Variants in MCC observed in about 807,000 individuals in gnomAD.
MCC encodes the protein MCC regulator of Wnt signaling pathway, also known as colorectal mutant cancer protein.
In MCC, 90 loss-of-function variants were observed where a neutral mutation model predicts 116.2. The observed-to-expected ratio is 0.77, with a 90% CI of 0.65 to 0.92. The LOEUF is 0.92. MCC is among the 40% of genes least tolerant of loss of function. The pLI, the probability that MCC is intolerant of heterozygous loss-of-function variation, is 0.00. For synonymous variants in MCC, 578 were observed against 510.5 expected (o/e 1.13, Z -1.78); for missense variants, 1,516 against 1,312.2 (o/e 1.16, Z -2.40).
chr5:113,049,600 T>C (rs767188464), intron 15 of MCC, among the ~76,000 whole-genome samples: 10 of 152,202 alleles, frequency 6.6e-5, no homozygotes, highest in African/African-American at 1.9e-4. Flanking sequence ...TTCTAACAAA[T>C]AGAGCCCCCA....
chr5:113,182,677 A>G (rs189646511), intron 3 of MCC, among the ~76,000 whole-genome samples: 16 of 152,318 alleles, frequency 1.1e-4, no homozygotes, highest in Admixed American at 9.8e-4. Context: ...ACTTCCTTTC[A>G]CATACAACAT....
chr5:113,432,252 G>C (rs1770676548), intron 1 of MCC, among the ~76,000 whole-genome samples: 1 of 150,308 alleles, frequency 6.7e-6, no homozygotes, highest in Non-Finnish European at 1.5e-5. Flanking sequence ...AGAACCGGGA[G>C]GCAGAGGTTG....
At chr5:113,321,344 A>G (rs1767418066) in intron 3 of MCC, among the ~76,000 whole-genome samples, 1 of 152,126 alleles carries the variant, frequency 6.6e-6, no homozygotes, top group Admixed American at 6.5e-5. Context: ...AATACATCTG[A>G]CCCCAATTTT....
At chr5:113,417,856 C>T (rs554006039) in intron 1 of MCC, among the ~76,000 whole-genome samples, 1 of 151,942 alleles carries the variant, frequency 6.6e-6, no homozygotes, top group East Asian at 1.9e-4. Flanking sequence ...TCACTTGAGT[C>T]CGGGAGATCA....
At chr5:113,131,080 GATGC>G (rs1758399207) in intron 5 of MCC, among the ~76,000 whole-genome samples, 1 of 152,210 alleles carries the variant, frequency 6.6e-6, no homozygotes, top group Non-Finnish European at 1.5e-5. Context: ...GTTGGAGTCA[GATGC>G]CACACAGCAG....
chr5:113,382,562 G>A (rs752299493), intron 2 of MCC, among the ~76,000 whole-genome samples: 2 of 152,052 alleles, frequency 1.3e-5, no homozygotes, highest in South Asian at 4.1e-4. Flanking sequence ...CCTAATTAGT[G>A]TCAATTTTTG....
At chr5:113,414,371 C>G (rs1580347139) in intron 1 of MCC, among the ~76,000 whole-genome samples, 1 of 151,772 alleles carries the variant, frequency 6.6e-6, no homozygotes, top group Non-Finnish European at 1.5e-5. Context: ...AGTGGGGTGT[C>G]AAAGTCTCCC....
At chr5:113,291,164 T>C (rs1429993318) in intron 3 of MCC, among the ~76,000 whole-genome samples, 1 of 152,252 alleles carries the variant, frequency 6.6e-6, no homozygotes, top group East Asian at 1.9e-4. Context: ...ATGAATTTCC[T>C]GTTTTCCATT....
Position 113,448,490 on chromosome 5 carries a change from G to C in MCC, c.170+39755C>G, listed in dbSNP as rs560818610. Among the ~76,000 whole-genome samples the C allele has an allele frequency of 2.0e-5, 3 of 152,324 alleles. No individual in the cohort carries two copies. The South Asian group carries it at 6.2e-4, about 32-fold the overall frequency. On this transcript the variant is annotated intron_variant, in intron 1 of 18. Coordinates refer to ENST00000408903, the MANE Select transcript of MCC (RefSeq NM_001085377.2). The stretch of plus-strand genomic sequence containing the variant: ...CAAAGAAAGGCCATAATGACCTTAA[G>C]TGGAAAAGAATTAATAAAAGATTCC...
At chr5:113,173,572 A>G (rs1028304287) in intron 3 of MCC, among the ~76,000 whole-genome samples, 3 of 152,144 alleles carry the variant, frequency 2.0e-5, no homozygotes, top group Non-Finnish European at 4.4e-5. Context: ...CTAAACTTCT[A>G]TTCTCCCCCA....
At chr5:113,406,538 A>C (rs543219406) in intron 1 of MCC, among the ~76,000 whole-genome samples, 2 of 152,302 alleles carry the variant, frequency 1.3e-5, no homozygotes, top group East Asian at 1.9e-4. Flanking sequence ...CTGAACCAGC[A>C]ATAAAAAGAG....
chr5:113,053,774 C>A lies in MCC; in HGVS notation c.2399G>T (p.Arg800Met), dbSNP rs945976815. Residue 800 changes from arginine (R) to methionine (M), a missense_variant, in exon 15 of 19, where the codon AGG (arginine) becomes ATG (methionine). Transcript: ENST00000408903. ...YDVKPRGDSQRLDLENAVLMQ... is the reference protein window; with the variant it reads ...YDVKPRGDSQMLDLENAVLMQ... ...AAGCACTGCGTTTTCCAGATCCAGCCTCTGGCTGTCTCCCCGAGGCTTGAC... is the reference window on the plus strand; with the variant it reads ...AAGCACTGCGTTTTCCAGATCCAGCATCTGGCTGTCTCCCCGAGGCTTGAC... The A allele has an allele frequency of 6.2e-7, 1 of 1,613,740 alleles. No individual in the cohort carries two copies. The highest frequency in any genetic ancestry group is 8.5e-7 in the Non-Finnish European group (1 of 1,179,770).
At chr5:113,475,861 T>C (rs371891413) in intron 1 of MCC, among the ~76,000 whole-genome samples, 2 of 152,326 alleles carry the variant, frequency 1.3e-5, no homozygotes, top group East Asian at 3.9e-4. Context: ...GCCGCATGTA[T>C]GGTGGGAAAT....
In MCC at chr5:113,199,849, A is replaced by T. The variant is rs191816794; in HGVS notation, c.628-48427T>A. 5.2e-3 allele frequency among the ~76,000 whole-genome samples: 794 copies of T among 152,338 alleles called. 6 individuals are homozygous for T. The highest frequency in any genetic ancestry group is 6.2e-3 in the Non-Finnish European group (423 of 68,030). On this transcript the variant is annotated intron_variant, in intron 3 of 18. Coordinates refer to ENST00000408903, the MANE Select transcript of MCC (RefSeq NM_001085377.2). ...AGGAATGAGTGACACCACTCCAAACATCCTGAACTTTCTGAAGACAACCCT... is the reference window on the plus strand; with the variant it reads ...AGGAATGAGTGACACCACTCCAAACTTCCTGAACTTTCTGAAGACAACCCT...
At chr5:113,143,742 G>A (rs1759330179) in intron 4 of MCC, among the ~76,000 whole-genome samples, 2 of 152,150 alleles carry the variant, frequency 1.3e-5, no homozygotes, top group South Asian at 4.1e-4. Context: ...TGGATGTAAG[G>A]TTGCATGGAG....
chr5:113,227,748 G>C (rs1032399806), intron 3 of MCC, among the ~76,000 whole-genome samples: 1 of 152,124 alleles, frequency 6.6e-6, no homozygotes, highest in Non-Finnish European at 1.5e-5. Flanking sequence ...TATAAAGTAG[G>C]AGATGGACGC....
intron 3 of MCC, among the ~76,000 whole-genome samples, chr5:113,174,932 G>A (rs976423912): frequency 6.6e-5 from 10 of 151,978 alleles, no homozygotes; most frequent in Non-Finnish European, 5.9e-5. Flanking sequence ...TTAACATAGT[G>A]TGATCTCATT....
Position 113,434,794 on chromosome 5 carries a change from T to TC in MCC, c.171-49583dup. The TC allele has an allele frequency of 6.2e-7, 1 of 1,613,040 alleles. No individual in the cohort carries two copies. The highest frequency in any genetic ancestry group is 8.5e-7 in the Non-Finnish European group (1 of 1,179,110). On this transcript the variant is annotated intron_variant, in intron 1 of 18. Coordinates refer to ENST00000408903, the MANE Select transcript of MCC (RefSeq NM_001085377.2). This position sits in a 1 kb window ranked among gnomAD's most constrained non-coding sequence, Gnocchi z 4.2. ...GCATAGGAGCCCTCTCCTAAATTTA[T>TC]CCCCAGGAGGTAGCCTCGTCGCTTG...
chr5:113,077,518 A>C (rs1754541112), intron 11 of MCC, among the ~76,000 whole-genome samples: 2 of 152,218 alleles, frequency 1.3e-5, no homozygotes, highest in Admixed American at 1.3e-4. Flanking sequence ...AAAACTGCAT[A>C]ACTACATGGA....
Sources: gnomAD v4.1 joint callset for allele counts (sites outside exome capture counted in the v4.1 genomes callset) on GRCh38, gnomAD v4.1.1 for gene constraint, Gnocchi (gnomAD v3.1) non-coding constraint, MANE v1.5 for transcripts, NCBI Gene and HGNC (gene_info 2026-07-23, HGNC 2026-07-21) for gene names.